The following MTA3 variants were observed in gnomAD, a reference collection of about 807,000 sequenced individuals.
MTA3 encodes metastasis-associated protein MTA3.
A neutral mutation model predicts 83.5 loss-of-function variants in MTA3; 34 were observed. The ratio of observed to expected loss-of-function variants is 0.41; its 90% CI spans 0.31 to 0.54. MTA3 has a LOEUF of 0.54. Among genes scored for constraint, MTA3 ranks in the 20% least tolerant of loss-of-function variants. MTA3 has a pLI of 0.33. For synonymous variants in MTA3, 303 were observed against 252.7 expected (o/e 1.20, Z -1.89); for missense variants, 761 against 726.4 (o/e 1.05, Z -0.55).
At chr2:42,514,671 G>A (rs1427981425) in intron 2 of MTA3, among the ~76,000 whole-genome samples, 2 of 79,878 alleles carry the variant, frequency 2.5e-5, no homozygotes, top group Non-Finnish European at 5.0e-5. Context: ...ACAGGCATGA[G>A]CGCCCAGCCC....
rs116495326 is a variant in MTA3, at chr2:42,645,152, G to A, written c.499+908G>A. ...AAGTGCTACTCCACACTCCAGCCTGGGTGACAGAGTGAGACTCTGTCTCAA... is the reference window on the plus strand; with the variant it reads ...AAGTGCTACTCCACACTCCAGCCTGAGTGACAGAGTGAGACTCTGTCTCAA... On this transcript the variant is annotated intron_variant, in intron 6 of 16. Coordinates refer to ENST00000405094, the MANE Select transcript of MTA3 (RefSeq NM_001330442.2). 4.7e-5 allele frequency among the ~76,000 whole-genome samples: 7 copies of A among 148,166 alleles called. No homozygotes were observed. The East Asian group carries it at 1.4e-3, about 29-fold the overall frequency.
chr2:42,570,135 C>G (rs942175507), intron 1 of MTA3, among the ~76,000 whole-genome samples: 1 of 152,030 alleles, frequency 6.6e-6, no homozygotes, highest in African/African-American at 2.4e-5. Context: ...TTAGCGTGCC[C>G]TGACTACACA....
intron 16 of MTA3, among the ~76,000 whole-genome samples, chr2:42,747,029 TCTCA>T (rs1669490761): frequency 1.3e-5 from 2 of 149,192 alleles, no homozygotes; most frequent in Admixed American, 6.7e-5. Context: ...TGAGATGGAG[TCTCA>T]CTCTGTCACC....
At chr2:42,719,178 A>G in intron 15 of MTA3, 104 bp downstream of exon 15, 1 of 794,578 alleles carries the variant, frequency 1.3e-6, no homozygotes. Flanking sequence ...AGGCCCTTCA[A>G]ATAGCCGAAA....
In MTA3 at chr2:42,718,981, TC is replaced by T. The variant is rs1667223889; in HGVS notation, c.1526-5del. The T allele has an allele frequency of 1.3e-6, 2 of 1,547,274 alleles. No individual in the cohort carries two copies. Among genetic ancestry groups the T allele is most frequent in the Non-Finnish European group, 1.7e-6 (2 of 1,144,280 alleles). ...TTGGTTATCTCCATGTTTCTTTCTC[TC>T]CTCAGATGCAGACAGACATGCTGAA... is the stretch of plus-strand genomic sequence containing the variant. On this transcript the variant is annotated splice_polypyrimidine_tract_variant and splice_region_variant and intron_variant, in intron 14 of 16. Transcript: ENST00000405094.
intron 2 of MTA3, among the ~76,000 whole-genome samples, chr2:42,547,703 C>T (rs1037423676): frequency 6.6e-6 from 1 of 152,208 alleles, no homozygotes; most frequent in Admixed American, 6.5e-5. Context: ...GCTATTGTTA[C>T]AGGCGCATAC....
intron 16 of MTA3, among the ~76,000 whole-genome samples, chr2:42,749,043 ACTGCTCGGCTCCTTGAGC>A (rs1420455818): frequency 6.6e-6 from 1 of 152,248 alleles, no homozygotes; most frequent in Non-Finnish European, 1.5e-5. Flanking sequence ...TCTTGAAGTC[ACTGCTCGGCTCCTTGAGC>A]CTTCTAGCTG....
At chr2:42,579,795 C>A (rs1202415459) in intron 3 of MTA3, among the ~76,000 whole-genome samples, 1 of 151,346 alleles carries the variant, frequency 6.6e-6, no homozygotes. Context: ...AAGTAATCTC[C>A]CACCTTGGCC....
chr2:42,665,634 G>A (rs76182320), intron 8 of MTA3, among the ~76,000 whole-genome samples: 4,168 of 152,266 alleles, frequency 0.027, 93 homozygotes, highest in South Asian at 0.078. Context: ...GAGCTGGATC[G>A]AAGCCTTAGA....
At chr2:42,639,642 A>G (rs1397660254) in intron 4 of MTA3, among the ~76,000 whole-genome samples, 1 of 152,100 alleles carries the variant, frequency 6.6e-6, no homozygotes, top group African/African-American at 2.4e-5. Context: ...TTAAATTTTA[A>G]CTAGTTTTTA....
At chr2:42,553,314 C>G (rs1186167915) in intron 2 of MTA3, among the ~76,000 whole-genome samples, 1 of 151,562 alleles carries the variant, frequency 6.6e-6, no homozygotes, top group Non-Finnish European at 1.5e-5. Context: ...GTCCCAGCTA[C>G]TCTGGAGGCT....
intron 5 of MTA3, among the ~76,000 whole-genome samples, chr2:42,640,492 T>G (rs1049062874): frequency 3.9e-5 from 6 of 152,198 alleles, no homozygotes; most frequent in African/African-American, 1.4e-4. Context: ...TGGATTTAGT[T>G]GATAGTAGAT....
At chr2:42,589,172 C>G (rs1680681154) in intron 3 of MTA3, among the ~76,000 whole-genome samples, 1 of 152,104 alleles carries the variant, frequency 6.6e-6, no homozygotes, top group African/African-American at 2.4e-5. Flanking sequence ...CACCTTATTT[C>G]AACCAGTATA....
intron 8 of MTA3, among the ~76,000 whole-genome samples, chr2:42,677,475 T>C (rs968505088): frequency 6.6e-6 from 1 of 152,146 alleles, no homozygotes; most frequent in Admixed American, 6.6e-5. Flanking sequence ...ACTGAGTAGC[T>C]GGGATTACAG....
At position 42,697,806 on chromosome 2, in the gene MTA3, A is replaced by G. The variant is rs781294317; in HGVS notation, c.997A>G (p.Lys333Glu). 1.9e-6 allele frequency: 3 copies of G among 1,544,814 alleles called. No homozygotes were observed. Among genetic ancestry groups the G allele is most frequent in the Non-Finnish European group, 2.6e-6 (3 of 1,147,344 alleles). Reference protein sequence around the residue: ...KRLKAAEAESKLKQVYIPTYS... With the variant: ...KRLKAAEAESELKQVYIPTYS... ...TCTAAAAGCAGCAGAAGCTGAGAGT[A>G]AACTGAAACAAGTATATATCCCAAC... The change falls in exon 11 of 17, where the codon AAA (lysine) becomes GAA (glutamate). Residue 333 changes from lysine (K) to glutamate (E), a missense_variant. Physicochemically the swap from Lys to Glu is moderately conservative, Grantham distance 56 (BLOSUM62 1). Transcript: ENST00000405094.
chr2:42,685,754 C>T (rs1692316182), intron 9 of MTA3, among the ~76,000 whole-genome samples: 1 of 152,104 alleles, frequency 6.6e-6, no homozygotes, highest in South Asian at 2.1e-4. Context: ...TGTGTCAAAC[C>T]CTTAAAATAA....
At chr2:42,515,302 G>A (rs896935379) in intron 2 of MTA3, among the ~76,000 whole-genome samples, 5 of 151,686 alleles carry the variant, frequency 3.3e-5, no homozygotes, top group Admixed American at 2.0e-4. Context: ...CAGGTGATCT[G>A]CCCACCTCAG....
intron 14 of MTA3, among the ~76,000 whole-genome samples, chr2:42,717,468 C>G (rs1429801425): frequency 6.6e-6 from 1 of 152,078 alleles, no homozygotes; most frequent in Non-Finnish European, 1.5e-5. Context: ...TGTTTTGTCC[C>G]TTTGTCTTGC....
At chr2:42,639,776 G>GT (rs1264816239) in intron 4 of MTA3, among the ~76,000 whole-genome samples, 1 of 152,122 alleles carries the variant, frequency 6.6e-6, no homozygotes, top group Non-Finnish European at 1.5e-5. Context: ...TGGTTTGTGT[G>GT]GTGGTGTCTT....
Sources: allele counts gnomAD v4.1 joint callset (sites outside exome capture counted in the v4.1 genomes callset), GRCh38; gene constraint gnomAD v4.1.1; transcripts MANE v1.5; gene names NCBI Gene and HGNC (gene_info 2026-07-23, HGNC 2026-07-21).